The following TENM3 variants were observed in gnomAD, a reference collection of about 807,000 sequenced individuals.
TENM3 encodes the protein teneurin-3.
TENM3 carries 63 observed loss-of-function variants against 255.1 expected under a neutral mutation model. That is an observed-to-expected ratio of 0.25 (90% confidence interval 0.20 to 0.30). The LOEUF (loss-of-function observed/expected upper bound fraction) is 0.30, where lower values mean the gene tolerates loss of function less well. Ranked by LOEUF, TENM3 falls within the 10% of genes least tolerant of loss-of-function variation. TENM3 has a pLI of 1.00. For synonymous variants in TENM3, 1,306 were observed against 1,322.3 expected (o/e 0.99, Z 0.27); for missense variants, 2,929 against 3,461.1 (o/e 0.85, Z 3.86).
intron 3 of TENM3, among the ~76,000 whole-genome samples, chr4:182,498,104 G>T (rs1418906170): frequency 6.6e-6 from 1 of 152,086 alleles, no homozygotes. Flanking sequence ...TTTTGTGGAA[G>T]ATGGAGAGTG....
rs750037450 is a variant in TENM3, at chr4:182,799,923, G to A, written c.7672G>A (p.Asp2558Asn). Residue 2558 changes from aspartate to asparagine, a missense_variant, in exon 28 of 28, where the codon GAC becomes AAC. This residue lies in a region of TENM3 where 476 missense variants were observed against 480.1 expected (regional missense o/e 0.99). Coordinates refer to ENST00000511685, the MANE Select transcript of TENM3 (RefSeq NM_001080477.4). This position sits in a 1 kb window ranked among gnomAD's most constrained non-coding sequence, Gnocchi z 4.2. ...YFIKTTTPES[D>N]LGTLRLTSGR... ...CATCAAGACCACCACGCCCGAGAGC[G>A]ACCTGGGCACGCTGCGGTTGACCAG... The A allele has an allele frequency of 6.2e-7, 1 of 1,602,710 alleles. No homozygotes were observed. The highest frequency in any genetic ancestry group is 1.1e-5 in the South Asian group (1 of 88,948).
At chr4:181,762,026 G>A in the TENM3 span, among the ~76,000 whole-genome samples, 7 of 152,138 alleles carry the variant, frequency 4.6e-5, no homozygotes, top group Non-Finnish European at 1.5e-5. Flanking sequence ...GATGATACGT[G>A]CTCACAAGCA....
At chr4:181,746,601 G>A in the TENM3 span, among the ~76,000 whole-genome samples, 1 of 152,004 alleles carries the variant, frequency 6.6e-6, no homozygotes, top group Non-Finnish European at 1.5e-5. Context: ...TCTATTGACA[G>A]CCATTTAATT....
chr4:181,462,828 C>T, the TENM3 span, among the ~76,000 whole-genome samples: 1 of 152,138 alleles, frequency 6.6e-6, no homozygotes, highest in Admixed American at 6.5e-5. Flanking sequence ...ATTGCATGCT[C>T]AACGTTGGCT....
rs755184980 is a variant in TENM3, at chr4:182,786,285, G to A, written c.5305-2808G>A. Among the ~76,000 whole-genome samples, 4 of 152,148 alleles carry A rather than the reference G, an allele frequency of 2.6e-5. No individual in the cohort carries two copies. In the East Asian group the frequency reaches 5.8e-4, roughly 22 times the overall value. On this transcript the variant is annotated intron_variant, in intron 24 of 27. Transcript: ENST00000511685. ...CAAATCGGAAGCCAGGGCTGGGCACGGTGGCTCACGCCTGCAATCCCAGCA... is the reference window on the plus strand; with the variant it reads ...CAAATCGGAAGCCAGGGCTGGGCACAGTGGCTCACGCCTGCAATCCCAGCA...
At chr4:182,548,520 A>C (rs530408632) in intron 3 of TENM3, 1 of 152,322 alleles carries the variant, frequency 6.6e-6, no homozygotes, top group South Asian at 2.1e-4. Context: ...CATGACCCCA[A>C]GGCCGGGTGA....
At chr4:181,500,678 A>C in the TENM3 span, among the ~76,000 whole-genome samples, 2 of 152,196 alleles carry the variant, frequency 1.3e-5, no homozygotes, top group Non-Finnish European at 2.9e-5. Context: ...GCTCAAAGGT[A>C]TCATATTCAC....
chr4:182,065,459 C>T, the TENM3 span, among the ~76,000 whole-genome samples: 1 of 152,182 alleles, frequency 6.6e-6, no homozygotes. Context: ...GGGGAGCACG[C>T]GCGTCACGTG....
chr4:182,525,033 A>C (rs1450343698), intron 3 of TENM3, among the ~76,000 whole-genome samples: 2 of 152,066 alleles, frequency 1.3e-5, no homozygotes, highest in Non-Finnish European at 2.9e-5. Flanking sequence ...CTGTCTCAAC[A>C]ACAACAACAA....
the TENM3 span, among the ~76,000 whole-genome samples, chr4:181,850,260 A>T: frequency 0.016 from 2,477 of 152,072 alleles, 37 homozygotes; most frequent in Middle Eastern, 0.041. Context: ...AATTATGATG[A>T]TATCTCCAAT....
chr4:182,130,260 T>C, the TENM3 span, among the ~76,000 whole-genome samples: 2 of 152,190 alleles, frequency 1.3e-5, no homozygotes, highest in East Asian at 1.9e-4. Context: ...TAAAATACTA[T>C]ACGGCAAAGT....
the TENM3 span, among the ~76,000 whole-genome samples, chr4:181,502,519 A>G: frequency 6.6e-6 from 1 of 152,220 alleles, no homozygotes; most frequent in African/African-American, 2.4e-5. Context: ...TGGGAACCTG[A>G]GAACAGAACT....
At chr4:182,227,921 G>A (rs555880008) in intron 1 of TENM3, among the ~76,000 whole-genome samples, 1 of 152,194 alleles carries the variant, frequency 6.6e-6, no homozygotes, top group East Asian at 1.9e-4. Flanking sequence ...CTGACTTGGA[G>A]CAAGTCACTT....
chr4:181,634,819 A>C, the TENM3 span, among the ~76,000 whole-genome samples: 1 of 152,166 alleles, frequency 6.6e-6, no homozygotes, highest in Non-Finnish European at 1.5e-5. Context: ...GTTAGCATAA[A>C]ATCTGAGTTT....
chr4:181,476,215 T>TTTG, the TENM3 span, among the ~76,000 whole-genome samples: 1 of 150,880 alleles, frequency 6.6e-6, no homozygotes, highest in Non-Finnish European at 1.5e-5. Flanking sequence ...GGTTTTTTTT[T>TTTG]TTTTTTTTTG....
the TENM3 span, among the ~76,000 whole-genome samples, chr4:181,999,596 A>G: frequency 1.3e-5 from 2 of 152,324 alleles, no homozygotes; most frequent in Non-Finnish European, 2.9e-5. Flanking sequence ...ATCTGCATCT[A>G]CAAGTGACAA....
intron 1 of TENM3, among the ~76,000 whole-genome samples, chr4:182,187,635 G>A (rs917579416): frequency 6.6e-6 from 1 of 151,890 alleles, no homozygotes; most frequent in African/African-American, 2.4e-5. Context: ...TAAAAGGAAA[G>A]AATTCTTTGG....
In TENM3 at chr4:182,462,657, T is replaced by G. The variant is rs538941122; in HGVS notation, c.511+115728T>G. Among the ~76,000 whole-genome samples the G allele has an allele frequency of 2.6e-5, 4 of 151,936 alleles. No homozygotes were observed. In the East Asian group the frequency reaches 7.8e-4, roughly 30 times the overall value. On this transcript the variant is annotated intron_variant, in intron 3 of 27. Transcript: ENST00000511685. ...CTTAAATTTACTTGATATGGCCAGGTGGACGGATCACCTGAGGTCAGGAGT... is the reference window on the plus strand; with the variant it reads ...CTTAAATTTACTTGATATGGCCAGGGGGACGGATCACCTGAGGTCAGGAGT...
At chr4:182,290,504 G>A (rs900644802) in intron 1 of TENM3, among the ~76,000 whole-genome samples, 2 of 152,138 alleles carry the variant, frequency 1.3e-5, no homozygotes, top group African/African-American at 2.4e-5. Context: ...CTTTTAAATA[G>A]GAGGTTTTGT....
Sources: allele counts gnomAD v4.1 joint callset (sites outside exome capture counted in the v4.1 genomes callset), GRCh38; gene constraint gnomAD v4.1.1; regional missense constraint gnomAD v4.1.1; non-coding constraint Gnocchi (gnomAD v3.1); transcripts MANE v1.5; gene names NCBI Gene and HGNC (gene_info 2026-07-23, HGNC 2026-07-21).